DNAH12: variants seen among roughly 807,000 people sequenced by gnomAD.
The protein encoded by DNAH12 is dynein axonemal heavy chain 12, also known as axonemal beta dynein heavy chain 12.
A neutral mutation model predicts 371.5 loss-of-function variants in DNAH12; 285 were observed. That is an observed-to-expected ratio of 0.77 (90% CI 0.70 to 0.85). DNAH12 has a LOEUF of 0.85. Ranked by LOEUF, DNAH12 falls within the 40% of genes least tolerant of loss-of-function variation. The probability of loss-of-function intolerance (pLI) is 0.00; values close to 1 mark genes in which losing one functional copy is unlikely to be tolerated. For missense variants in DNAH12, 3,611 were observed against 3,689.4 expected (o/e 0.98, Z 0.55); for synonymous variants, 1,200 against 1,213.0 (o/e 0.99, Z 0.22).
intron 11 of DNAH12, among the ~76,000 whole-genome samples, chr3:57,492,682 A>G (rs935575764): frequency 7.9e-5 from 12 of 152,144 alleles, no homozygotes; most frequent in African/African-American, 2.7e-4. Flanking sequence ...AAATGTCACT[A>G]CAAAATAATA....
At chr3:57,421,774 C>T in intron 35 of DNAH12, 68 bp from the exon 36 acceptor site, 8 of 1,514,496 alleles carry the variant, frequency 5.3e-6, no homozygotes, top group Non-Finnish European at 7.2e-6. Context: ...AAACATTAAC[C>T]AAAATTCAAT....
intron 72 of DNAH12, 30 bp from the exon 73 acceptor site, chr3:57,295,622 G>C: frequency 1.3e-6 from 2 of 1,508,074 alleles, no homozygotes; most frequent in Middle Eastern, 1.7e-4. Context: ...GAAATTATTA[G>C]AAATAACATG....
intron 29 of DNAH12, 30 bp from the exon 30 acceptor site, chr3:57,437,090 C>T (rs1180958335): frequency 4.4e-6 from 6 of 1,371,966 alleles, no homozygotes; most frequent in Admixed American, 2.6e-5. Context: ...TGCATTTCTA[C>T]AACACAATAT....
chr3:57,397,146 T>C (rs2063758592), intron 43 of DNAH12, among the ~76,000 whole-genome samples: 1 of 152,338 alleles, frequency 6.6e-6, no homozygotes, highest in Non-Finnish European at 1.5e-5. Context: ...ATGAAAAATC[T>C]AGAAAGTGAC....
In DNAH12 at chr3:57,323,231, T is replaced by G; in HGVS notation, c.10159A>C (p.Met3387Leu). The part of the protein sequence containing the change: ...SLLKFANDKS[M>L]SGNKFQAISL... ...ATAGCTTGAAACTTATTTCCAGACA[T>G]AGATTTATCATTTGCAAATTTCAGC... is the stretch of plus-strand genomic sequence containing the variant. Residue 3387 changes from methionine (M) to leucine (L), a missense_variant, in exon 64 of 74, where the codon ATG becomes CTG. This residue lies in a region of DNAH12 where 2,266 missense variants were observed against 2,236.9 expected (regional missense o/e 1.01). Transcript: ENST00000495027. 4 of 1,551,842 alleles carry G rather than the reference T, an allele frequency of 2.6e-6. No individual in the cohort carries two copies. The highest frequency in any genetic ancestry group is 1.2e-5 in the South Asian group (1 of 84,050).
At chr3:57,514,689 T>TA (rs1462974117) in intron 4 of DNAH12, among the ~76,000 whole-genome samples, 16 of 151,856 alleles carry the variant, frequency 1.1e-4, no homozygotes, top group Admixed American at 1.1e-3. Flanking sequence ...AAAGTATAAG[T>TA]AAAAAATATC....
intron 43 of DNAH12, among the ~76,000 whole-genome samples, chr3:57,395,282 GCT>G (rs1435602554): frequency 2.6e-5 from 4 of 151,978 alleles, no homozygotes; most frequent in East Asian, 1.9e-4. Flanking sequence ...CTACCATCAG[GCT>G]CTCTCTCACC....
chr3:57,411,096 T>C (rs146606335), intron 39 of DNAH12, among the ~76,000 whole-genome samples: 1,691 of 152,262 alleles, frequency 0.011, 31 homozygotes, highest in African/African-American at 0.038. Flanking sequence ...CATGATGATC[T>C]ATAAAGAAAA....
intron 62 of DNAH12, 146 bp downstream of exon 62, chr3:57,334,319 C>T: frequency 1.1e-6 from 1 of 879,210 alleles, no homozygotes; most frequent in Non-Finnish European, 1.6e-6. Context: ...ACAGTAAACC[C>T]ACAGATCTAA....
intron 35 of DNAH12, among the ~76,000 whole-genome samples, chr3:57,423,895 C>T (rs1054610122): frequency 3.3e-5 from 5 of 151,996 alleles, no homozygotes; most frequent in Non-Finnish European, 4.4e-5. Context: ...CCTGCCACCA[C>T]GCCTGGCTAA....
At chr3:57,296,258 A>T in intron 72 of DNAH12, 86 bp downstream of exon 72, 2 of 1,063,290 alleles carry the variant, frequency 1.9e-6, no homozygotes, top group Non-Finnish European at 2.7e-6. Context: ...GCCTTAAAAG[A>T]GGACTTTTTT....
intron 2 of DNAH12, among the ~76,000 whole-genome samples, chr3:57,527,402 G>T (rs574961746): frequency 2.2e-4 from 33 of 152,220 alleles, no homozygotes; most frequent in Non-Finnish European, 4.6e-4. Flanking sequence ...ATAAAGAAAA[G>T]AGGTTTAATT....
chr3:57,418,539 C>CAAAAAA (rs779250987), intron 37 of DNAH12, among the ~76,000 whole-genome samples: 4 of 100,904 alleles, frequency 4.0e-5, no homozygotes, highest in African/African-American at 1.1e-4. Flanking sequence ...GACCCTGTCT[C>CAAAAAA]AAAAAAAAAA....
At chr3:57,304,335 G>A (rs534153) in intron 69 of DNAH12, among the ~76,000 whole-genome samples, 107,645 of 152,014 alleles carry the variant, frequency 0.71, 38,705 homozygotes, top group East Asian at 0.92. Flanking sequence ...CTCTTTGCTC[G>A]GTGAGAAAGA....
At chr3:57,421,246 ATTATTCAAATAC>A (rs2064570209) in intron 36 of DNAH12, among the ~76,000 whole-genome samples, 1 of 152,224 alleles carries the variant, frequency 6.6e-6, no homozygotes, top group South Asian at 2.1e-4. Context: ...GAATCAAATA[ATTATTCAAATAC>A]TTGCTGTTTA....
At chr3:57,440,534 A>G (rs978726037) in intron 29 of DNAH12, among the ~76,000 whole-genome samples, 5 of 152,154 alleles carry the variant, frequency 3.3e-5, no homozygotes, top group African/African-American at 1.2e-4. Context: ...AGGGGAAGAG[A>G]GAGGGAGGGG....
At chr3:57,487,403 GA>G (rs1283179318) in intron 12 of DNAH12, among the ~76,000 whole-genome samples, 35 of 97,958 alleles carry the variant, frequency 3.6e-4, no homozygotes, top group East Asian at 4.8e-4. Flanking sequence ...AAGAAAGAAA[GA>G]AAAAAAAGAA....
intron 60 of DNAH12, among the ~76,000 whole-genome samples, chr3:57,335,733 T>C (rs2062207659): frequency 6.6e-6 from 1 of 152,238 alleles, no homozygotes. Context: ...CATTGTTATG[T>C]GGCACATGAC....
At chr3:57,436,471 T>G (rs1374893140) in intron 30 of DNAH12, among the ~76,000 whole-genome samples, 1 of 152,234 alleles carries the variant, frequency 6.6e-6, no homozygotes, top group African/African-American at 2.4e-5. Flanking sequence ...CTTCAGTTTC[T>G]GAATGGGAGT....
Sources: allele counts gnomAD v4.1 joint callset (sites outside exome capture counted in the v4.1 genomes callset), GRCh38; gene constraint gnomAD v4.1.1; regional missense constraint gnomAD v4.1.1; transcripts MANE v1.5; gene names NCBI Gene and HGNC (gene_info 2026-07-23, HGNC 2026-07-21).